The following MYO18B variants were observed in gnomAD, a reference collection of about 807,000 sequenced individuals.
MYO18B encodes unconventional myosin-XVIIIb.
MYO18B carries 204 observed loss-of-function variants against 273.0 expected under a neutral mutation model. The ratio of observed to expected loss-of-function variants is 0.75; its 90% confidence interval spans 0.67 to 0.84. MYO18B has a LOEUF of 0.84. Among genes scored for constraint, MYO18B ranks in the 40% least tolerant of loss-of-function variants. The pLI is 0.00. For missense variants in MYO18B, 3,212 were observed against 3,287.6 expected (o/e 0.98, Z 0.56); for synonymous variants, 1,330 against 1,305.7 (o/e 1.02, Z -0.40).
chr22:25,951,000 A>G (rs1293931779), intron 37 of MYO18B, among the ~76,000 whole-genome samples: 3 of 152,236 alleles, frequency 2.0e-5, no homozygotes, highest in Non-Finnish European at 4.4e-5. Flanking sequence ...TTCAAGGGCA[A>G]GAAGCATCCA....
intron 39 of MYO18B, among the ~76,000 whole-genome samples, chr22:25,986,884 G>T (rs1485392022): frequency 6.6e-6 from 1 of 152,098 alleles, no homozygotes. Flanking sequence ...GTACACACAC[G>T]TTTGCATATA....
At chr22:25,915,492 G>A (rs1280842079) in intron 33 of MYO18B, among the ~76,000 whole-genome samples, 1 of 152,166 alleles carries the variant, frequency 6.6e-6, no homozygotes, top group African/African-American at 2.4e-5. Context: ...TACAGCAAAA[G>A]TATGGTATTA....
chr22:25,819,438 A>G (rs1013605731), intron 12 of MYO18B, among the ~76,000 whole-genome samples: 9 of 152,224 alleles, frequency 5.9e-5, no homozygotes, highest in African/African-American at 2.2e-4. Context: ...GACATCTCCT[A>G]TTTAGTTCAC....
At chr22:25,861,351 C>T (rs2090730214) in intron 21 of MYO18B, among the ~76,000 whole-genome samples, 1 of 152,164 alleles carries the variant, frequency 6.6e-6, no homozygotes, top group African/African-American at 2.4e-5. Context: ...AATGCCGTAT[C>T]TTCTGGATGG....
At chr22:25,785,193 C>T (rs1017075955) in intron 10 of MYO18B, among the ~76,000 whole-genome samples, 1 of 152,140 alleles carries the variant, frequency 6.6e-6, no homozygotes, top group East Asian at 1.9e-4. Flanking sequence ...CCTCTACAAC[C>T]CTTTCTCCTG....
rs560599895 is a variant in MYO18B at position 25,777,763 on chromosome 22, G to C, written c.2050G>C (p.Val684Leu). The C allele has an allele frequency of 1.4e-4, 232 of 1,603,202 alleles. 5 individuals are homozygous for C. In the South Asian group the frequency reaches 2.3e-3, roughly 16 times the overall value. Residue 684 changes from valine to leucine, a missense_variant, in exon 8 of 44, where the codon GTG becomes CTG. Val to Leu is a conservative substitution (Grantham distance 32, BLOSUM62 1). Coordinates refer to ENST00000335473, the MANE Select transcript of MYO18B (RefSeq NM_032608.7). ...LEHLVGMAGSVDGRVSVEKIR... is the reference protein window; with the variant it reads ...LEHLVGMAGSLDGRVSVEKIR... ...ACACCTGGTGGGGATGGCAGGCAGTGTGGATGGCAGGGTCTCAGGTATGGT... is the reference window on the plus strand; with the variant it reads ...ACACCTGGTGGGGATGGCAGGCAGTCTGGATGGCAGGGTCTCAGGTATGGT...
chr22:25,791,292 C>T (rs1298422280), intron 11 of MYO18B, among the ~76,000 whole-genome samples: 1 of 152,184 alleles, frequency 6.6e-6, no homozygotes, highest in Non-Finnish European at 1.5e-5. Context: ...TAGACAGGTG[C>T]AGGGAGGCCA....
At chr22:25,874,998 C>G (rs1163933475) in intron 23 of MYO18B, among the ~76,000 whole-genome samples, 1 of 152,192 alleles carries the variant, frequency 6.6e-6, no homozygotes, top group Non-Finnish European at 1.5e-5. Context: ...CTGCTATTAC[C>G]TTAGAATTGT....
chr22:25,985,718 C>G (rs941980955), intron 39 of MYO18B, among the ~76,000 whole-genome samples: 2 of 152,082 alleles, frequency 1.3e-5, no homozygotes, highest in Non-Finnish European at 2.9e-5. Context: ...CACCCTCCGC[C>G]TCCCAGGTTC....
At chr22:25,848,666 G>A (rs1404809970) in intron 20 of MYO18B, among the ~76,000 whole-genome samples, 1 of 152,194 alleles carries the variant, frequency 6.6e-6, no homozygotes, top group African/African-American at 2.4e-5. Flanking sequence ...TGCACCTGAT[G>A]TCCCCACATT....
Position 25,843,787 on chromosome 22 carries a change from C to T in MYO18B, c.3261C>T (p.His1087=), listed in dbSNP as rs2090154074. Residue 1087 remains histidine, a synonymous_variant, in exon 18 of 44, where the codon CAC becomes CAT. Coordinates refer to ENST00000335473, the MANE Select transcript of MYO18B (RefSeq NM_032608.7). The stretch of plus-strand genomic sequence containing the variant: ...AGCCCCTCCAGTGTGAGATTTTCCA[C>T]CAGTTGGGATGGGACCCTGTGCGGT... ...CEQPLQCEIF[H]QLGWDPVRYD... 6.2e-7 allele frequency: 1 copy of T among 1,613,950 alleles called. No homozygotes were observed. The highest frequency in any genetic ancestry group is 8.5e-7 in the Non-Finnish European group (1 of 1,179,844).
intron 34 of MYO18B, among the ~76,000 whole-genome samples, chr22:25,935,111 TAG>T (rs1470601519): frequency 6.6e-6 from 1 of 152,184 alleles, no homozygotes; most frequent in African/African-American, 2.4e-5. Flanking sequence ...CCACCGCATG[TAG>T]AGTCCAATTA....
intron 34 of MYO18B, among the ~76,000 whole-genome samples, chr22:25,930,559 G>T (rs2092484378): frequency 6.6e-6 from 1 of 150,916 alleles, no homozygotes; most frequent in Admixed American, 6.6e-5. Context: ...CATCCAGGCT[G>T]GAGTGCAGTG....
rs1298446318 is a variant in MYO18B at position 26,023,346 on chromosome 22, G to GTGCC, written c.6471-3098_6471-3095dup. 2.0e-5 allele frequency among the ~76,000 whole-genome samples: 3 copies of GTGCC among 152,298 alleles called. No individual in the cohort carries two copies. In the East Asian group the frequency reaches 5.8e-4, roughly 29 times the overall value. On this transcript the variant is annotated intron_variant, in intron 42 of 43. Coordinates refer to ENST00000335473, the MANE Select transcript of MYO18B (RefSeq NM_032608.7). Reference sequence around the variant, plus strand: ...GAGCATCTACTACATACTGGGCTCAGTGCCAGTTCCGGAGGTGCAGAAATG... The same window carrying GTGCC: ...GAGCATCTACTACATACTGGGCTCAGTGCCTGCCAGTTCCGGAGGTGCAGAAATG...
intron 34 of MYO18B, among the ~76,000 whole-genome samples, chr22:25,929,671 C>G (rs576029537): frequency 1.3e-5 from 2 of 152,152 alleles, no homozygotes; most frequent in Non-Finnish European, 2.9e-5. Context: ...TTAATTCATG[C>G]TGGGGGCTGT....
intron 33 of MYO18B, among the ~76,000 whole-genome samples, chr22:25,913,327 A>T (rs2092196104): frequency 6.6e-6 from 1 of 152,056 alleles, no homozygotes; most frequent in South Asian, 2.1e-4. Context: ...CTCCACAGGG[A>T]TGCTGTGCAT....
At chr22:25,897,593 A>G (rs1168342792) in intron 28 of MYO18B, 1 of 152,240 alleles carries the variant, frequency 6.6e-6, no homozygotes, top group African/African-American at 2.4e-5. Flanking sequence ...GAGCAGCAGA[A>G]TATAAGAGAA....
chr22:26,016,232 C>T (rs779023530), intron 42 of MYO18B, among the ~76,000 whole-genome samples: 14 of 152,172 alleles, frequency 9.2e-5, no homozygotes, highest in Non-Finnish European at 1.9e-4. Flanking sequence ...TTGTGTTCTT[C>T]AAAACATTGT....
At chr22:26,000,383 C>T (rs982178281) in intron 40 of MYO18B, among the ~76,000 whole-genome samples, 1 of 152,046 alleles carries the variant, frequency 6.6e-6, no homozygotes, top group African/African-American at 2.4e-5. Flanking sequence ...TCTTCTTGAC[C>T]CCTTGGTACC....
Sources: gnomAD v4.1 joint callset for allele counts (sites outside exome capture counted in the v4.1 genomes callset) on GRCh38, gnomAD v4.1.1 for gene constraint, MANE v1.5 for transcripts, NCBI Gene and HGNC (gene_info 2026-07-23, HGNC 2026-07-21) for gene names.